Variants in TRIM14 observed in about 807,000 individuals in gnomAD.
TRIM14 encodes tripartite motif containing 14.
A neutral mutation model predicts 44.5 loss-of-function variants in TRIM14; 28 were observed. That is an observed-to-expected ratio of 0.63 (90% confidence interval 0.47 to 0.86). The LOEUF (loss-of-function observed/expected upper bound fraction) is 0.86, where lower values mean the gene tolerates loss of function less well. Ranked by LOEUF, TRIM14 falls within the 40% of genes least tolerant of loss-of-function variation. TRIM14 has a pLI of 0.00. For missense variants in TRIM14, 607 were observed against 611.1 expected (o/e 0.99, Z 0.07); for synonymous variants, 299 against 269.2 (o/e 1.11, Z -1.08).
At chr9:98,082,797 C>T (rs773754844), downstream of TRIM14, 8 of 1,560,668 alleles carry the variant, frequency 5.1e-6, no homozygotes, top group East Asian at 9.1e-5. Flanking sequence ...AAGTAGTGTG[C>T]ACTAGTTACT....
intron 6 of TRIM14, chr9:98,076,918 A>C (rs528138090): frequency 6.2e-7 from 1 of 1,608,560 alleles, no homozygotes; most frequent in Non-Finnish European, 8.5e-7. Context: ...ATTTTTGTAG[A>C]TGGCAGTTGA....
In TRIM14 at chr9:98,119,046, G is replaced by T. The variant is rs1404947074; in HGVS notation, c.143C>A (p.Pro48Gln). ...GTGGCCACGGTGCGCGCCCAGCACC[G>T]GGCAAAGCGCGCACACGCAGCGGCG... Reference protein sequence around the residue: ...RCRRCVCALCPVLGAHRGHPV... With the variant: ...RCRRCVCALCQVLGAHRGHPV... The change falls in exon 1 of 6, where the codon CCG becomes CAG. Residue 48 changes from proline to glutamine, a missense_variant. This residue lies in a region of TRIM14 where 246 missense variants were observed against 270.8 expected (regional missense o/e 0.91). Coordinates refer to ENST00000341469, the MANE Select transcript of TRIM14 (RefSeq NM_014788.4). 3 of 1,578,208 alleles carry T rather than the reference G, an allele frequency of 1.9e-6. No homozygotes were observed. Among genetic ancestry groups the T allele is most frequent in the East Asian group, 2.3e-5 (1 of 42,618 alleles).
At chr9:98,036,857 GGA>G in the TRIM14 span, among the ~76,000 whole-genome samples, 1 of 152,180 alleles carries the variant, frequency 6.6e-6, no homozygotes, top group African/African-American at 2.4e-5. Flanking sequence ...GGATAGAGTA[GGA>G]GAGAGTCCAT....
intron 2 of TRIM14, among the ~76,000 whole-genome samples, chr9:98,102,095 G>A (rs556592133): frequency 5.9e-4 from 90 of 151,680 alleles, no homozygotes; most frequent in African/African-American, 2.2e-3. Flanking sequence ...GGGAGCGAAC[G>A]TTCTGAGAAA....
chr9:98,080,731 G>A (rs189476507), downstream of TRIM14: 153 of 1,457,552 alleles, frequency 1.0e-4, no homozygotes, highest in African/African-American at 1.7e-3. Flanking sequence ...TGGCTAAACC[G>A]GGGCTCAACC....
the TRIM14 span, among the ~76,000 whole-genome samples, chr9:98,054,176 A>T: frequency 6.6e-6 from 1 of 152,124 alleles, no homozygotes. Context: ...CCATACTTAC[A>T]GAGGGTTTTC....
intron 6 of TRIM14, among the ~76,000 whole-genome samples, chr9:98,070,845 C>A (rs1200839551): frequency 6.7e-6 from 1 of 149,948 alleles, no homozygotes; most frequent in African/African-American, 2.5e-5. Context: ...CACTCTGTTG[C>A]CCAGGCTGGA....
At chr9:98,044,272 G>A in the TRIM14 span, among the ~76,000 whole-genome samples, 1 of 151,564 alleles carries the variant, frequency 6.6e-6, no homozygotes, top group African/African-American at 2.4e-5. Flanking sequence ...CTGTAGGGCC[G>A]TTGCACGTCA....
At chr9:98,098,698 C>T (rs764067038) in intron 3 of TRIM14, among the ~76,000 whole-genome samples, 5 of 151,764 alleles carry the variant, frequency 3.3e-5, no homozygotes, top group African/African-American at 7.3e-5. Flanking sequence ...AGCAAGACTC[C>T]GTCTCAAAAA....
chr9:98,069,061 A>T (rs1413962615), downstream of TRIM14, among the ~76,000 whole-genome samples: 1 of 152,340 alleles, frequency 6.6e-6, no homozygotes, highest in South Asian at 2.1e-4. Flanking sequence ...TGTGTTTATC[A>T]TATGACCCAC....
intron 1 of TRIM14, among the ~76,000 whole-genome samples, chr9:98,117,810 T>C (rs1006716009): frequency 2.0e-5 from 3 of 152,120 alleles, no homozygotes; most frequent in African/African-American, 7.2e-5. Context: ...TGACAGTAGG[T>C]AGTGGGTAGG....
intron 6 of TRIM14, among the ~76,000 whole-genome samples, chr9:98,073,251 C>T (rs1409864161): frequency 6.8e-6 from 1 of 146,106 alleles, no homozygotes; most frequent in Non-Finnish European, 1.5e-5. Context: ...TCCCTGTTCT[C>T]CCCAGCTCAT....
At position 98,105,451 on chromosome 9, in the gene TRIM14, C is replaced by T. The variant is rs376569462; in HGVS notation, c.303+4438G>A. ...AAAATTAGCCAGGCACGGTAGTGGG[C>T]ACCTGCAGTCCCAGCAATTCGGGAG... is the stretch of plus-strand genomic sequence containing the variant. On this transcript the variant is annotated intron_variant, in intron 2 of 5. Coordinates refer to ENST00000341469, the MANE Select transcript of TRIM14 (RefSeq NM_014788.4). Among the ~76,000 whole-genome samples the T allele has an allele frequency of 8.5e-5, 13 of 152,166 alleles. No individual in the cohort carries two copies. In the East Asian group the frequency reaches 1.5e-3, roughly 18 times the overall value.
chr9:98,053,866 C>G, the TRIM14 span, among the ~76,000 whole-genome samples: 1 of 150,336 alleles, frequency 6.7e-6, no homozygotes, highest in African/African-American at 2.4e-5. Context: ...GAACCATAGG[C>G]AAAGCTTCTC....
At chr9:98,098,352 G>C (rs1228188347) in intron 3 of TRIM14, among the ~76,000 whole-genome samples, 1 of 152,188 alleles carries the variant, frequency 6.6e-6, no homozygotes, top group Admixed American at 6.6e-5. Flanking sequence ...AGCAATTCTA[G>C]TGCAGAAGTG....
intron 1 of TRIM14, among the ~76,000 whole-genome samples, chr9:98,117,528 C>A (rs1300510373): frequency 6.6e-6 from 1 of 152,148 alleles, no homozygotes; most frequent in Non-Finnish European, 1.5e-5. Context: ...CCCTTGGCCT[C>A]ATGTGATCCT....
At position 98,087,818 on chromosome 9, in the gene TRIM14, G is replaced by T; in HGVS notation, c.981C>A (p.Asp327Glu). The change falls in exon 6 of 6, where the codon GAC becomes GAA. Residue 327 changes from aspartate (D) to glutamate (E), a missense_variant. This residue lies in a region of TRIM14 where 356 missense variants were observed against 323.0 expected (regional missense o/e 1.10). Transcript: ENST00000341469. ...ACCAGCCGGCGCCCGCCTCCTGCAC[G>T]TCAACCTCCCAGTAGTGGCGGCCGG... ...FATGRHYWEV[D>E]VQEAGAGWWV... 1.3e-6 allele frequency: 2 copies of T among 1,530,674 alleles called. No individual in the cohort carries two copies. The highest frequency in any genetic ancestry group is 8.7e-7 in the Non-Finnish European group (1 of 1,150,520). The allele number at this position is 1,530,674 out of a possible 1,614,324, so 94.8% of individuals were successfully genotyped here. A position where few individuals can be genotyped will look rare whatever the true frequency, so the allele number is the denominator to read the frequency against.
chr9:98,105,151 G>C (rs1319425309), intron 2 of TRIM14, among the ~76,000 whole-genome samples: 2 of 152,148 alleles, frequency 1.3e-5, no homozygotes, highest in Admixed American at 6.5e-5. Context: ...TTGGTGCCTT[G>C]ATCCCAAGCC....
rs57908629 is a variant in TRIM14, at chr9:98,113,113, CAAAAAAAAA to C, written c.208-3138_208-3130del. Among the ~76,000 whole-genome samples the C allele has an allele frequency of 1.1e-3, 44 of 39,270 alleles. 1 individual carries two copies. The South Asian group carries it at 0.041, about 36-fold the overall frequency. 25.8% of individuals were successfully genotyped at this position (39,270 alleles called of 152,430 possible). ...GGGCAACAAGAGCGAAACTCCATCT[CAAAAAAAAA>C]AAAAAAAAAAAAAAAGAAGGAATTT... On this transcript the variant is annotated intron_variant, in intron 1 of 5. Coordinates refer to ENST00000341469, the MANE Select transcript of TRIM14 (RefSeq NM_014788.4).
Sources: gnomAD v4.1 joint callset for allele counts (sites outside exome capture counted in the v4.1 genomes callset) on GRCh38, gnomAD v4.1.1 for gene constraint, gnomAD v4.1.1 regional missense constraint, MANE v1.5 for transcripts, NCBI Gene and HGNC (gene_info 2026-07-23, HGNC 2026-07-21) for gene names.